ARHGEF16: variants seen among roughly 807,000 people sequenced by gnomAD.
The protein encoded by ARHGEF16 is Rho guanine exchange factor (GEF) 16.
Under a neutral mutation model 74.1 loss-of-function variants are expected in ARHGEF16, and 59 were observed. The observed-to-expected ratio is 0.80, with a 90% confidence interval of 0.65 to 0.99. ARHGEF16 has a LOEUF of 0.99. Among genes scored for constraint, ARHGEF16 ranks in the 50% least tolerant of loss-of-function variants. The pLI, the probability that ARHGEF16 is intolerant of heterozygous loss-of-function variation, is 0.00. For synonymous variants in ARHGEF16, 415 were observed against 412.6 expected (o/e 1.01, Z -0.07); for missense variants, 948 against 986.6 (o/e 0.96, Z 0.52).
chr1:3,459,526 G>T (rs1181190950), intron 1 of ARHGEF16, among the ~76,000 whole-genome samples: 1 of 152,178 alleles, frequency 6.6e-6, no homozygotes, highest in Non-Finnish European at 1.5e-5. Flanking sequence ...TGAGGGCCGG[G>T]AGCAGGTGAG....
intron 5 of ARHGEF16, among the ~76,000 whole-genome samples, 179 bp from the exon 6 acceptor site, chr1:3,469,254 A>T (rs887598310): frequency 6.6e-6 from 1 of 152,094 alleles, no homozygotes; most frequent in African/African-American, 2.4e-5. Flanking sequence ...GCATCCAGGG[A>T]CGTCGGGCTG....
Position 3,467,172 on chromosome 1 carries a change from C to T in ARHGEF16, c.639C>T (p.Pro213=). The change falls in exon 4 of 15, where the codon CCC becomes CCT. Residue 213 remains proline (P), a synonymous_variant. Coordinates refer to ENST00000378378, the MANE Select transcript of ARHGEF16 (RefSeq NM_014448.4). Reference sequence around the variant, plus strand: ...TTACCCTCCTTCTCTCTCTAGACCCCCAGCTCTACCAGGAGATCCAGGAGC... The same window carrying T: ...TTACCCTCCTTCTCTCTCTAGACCCTCAGCTCTACCAGGAGATCCAGGAGC... ...RGHKGSFKDD[P]QLYQEIQERG... 1 of 1,550,454 alleles carries T rather than the reference C, an allele frequency of 6.4e-7. No homozygotes were observed. Among genetic ancestry groups the T allele is most frequent in the Non-Finnish European group, 8.7e-7 (1 of 1,146,722 alleles).
chr1:3,462,966 T>C (rs1639437302), intron 1 of ARHGEF16, 100 bp from the exon 2 acceptor site: 1 of 826,012 alleles, frequency 1.2e-6, no homozygotes, highest in Non-Finnish European at 1.8e-6. Flanking sequence ...GGAGCTGTAC[T>C]GGAGCCCCGG....
Position 3,473,449 on chromosome 1 carries a change from G to A in ARHGEF16, c.1232G>A (p.Cys411Tyr). 1 of 1,612,578 alleles carries A rather than the reference G, an allele frequency of 6.2e-7. No homozygotes were observed. Among genetic ancestry groups the A allele is most frequent in the Non-Finnish European group, 8.5e-7 (1 of 1,179,972 alleles). ...AGAGAGATTGAGAGGCGGCCGGCGT[G>A]CGGGGGCCTGCCCATGCTCTCCTTC... ...ALREIERRPA[C>Y]GGLPMLSFLI... The change falls in exon 8 of 15, where the codon TGC becomes TAC. Residue 411 changes from cysteine to tyrosine, a missense_variant. Transcript: ENST00000378378.
intron 3 of ARHGEF16, among the ~76,000 whole-genome samples, chr1:3,466,773 AG>A (rs1639558870): frequency 6.6e-6 from 1 of 152,204 alleles, no homozygotes; most frequent in Admixed American, 6.5e-5. Context: ...TCCAGGCCTG[AG>A]GCTCCAAGAC....
intron 9 of ARHGEF16, 39 bp from the exon 10 acceptor site, chr1:3,475,931 T>C: frequency 1.3e-6 from 2 of 1,534,940 alleles, no homozygotes; most frequent in South Asian, 1.2e-5. Context: ...GCCAGGGCCC[T>C]GTAGCACCAG....
intron 1 of ARHGEF16, among the ~76,000 whole-genome samples, chr1:3,460,869 G>A (rs1484418712): frequency 2.6e-5 from 4 of 152,158 alleles, no homozygotes; most frequent in Non-Finnish European, 4.4e-5. Context: ...TCAGCCGCAC[G>A]TGCCTTCCTG....
intron 13 of ARHGEF16, 110 bp from the exon 14 acceptor site, chr1:3,479,702 C>A: frequency 6.4e-7 from 1 of 1,554,846 alleles, no homozygotes; most frequent in Non-Finnish European, 8.8e-7. Flanking sequence ...GCCTGGCAGT[C>A]GGGGGATGGG....
intron 11 of ARHGEF16, 191 bp downstream of exon 11, chr1:3,478,217 C>T (rs946785491): frequency 2.2e-6 from 2 of 920,608 alleles, no homozygotes; most frequent in African/African-American, 1.7e-5. Context: ...CTCTGACCTC[C>T]TCTGCAGACC....
At chr1:3,462,972 C>A (rs190865830) in intron 1 of ARHGEF16, 94 bp from the exon 2 acceptor site, 2 of 885,990 alleles carry the variant, frequency 2.3e-6, no homozygotes, top group Admixed American at 3.0e-5. Context: ...GTACTGGAGC[C>A]CCGGCCAGAC....
At position 3,478,226 on chromosome 1, in the gene ARHGEF16, C is replaced by G. The variant is rs546327981; in HGVS notation, c.1626-198C>G. ...TGCAGCCTCTGACCTCCTCTGCAGA[C>G]CTGGGTCTGCCGGTGATAGCCACGA... is the stretch of plus-strand genomic sequence containing the variant. On this transcript the variant is annotated intron_variant, in intron 11 of 14. Coordinates refer to ENST00000378378, the MANE Select transcript of ARHGEF16 (RefSeq NM_014448.4). 7.7e-6 allele frequency: 7 copies of G among 906,594 alleles called. No homozygotes were observed. The South Asian group carries it at 8.4e-5, about 11-fold the overall frequency. The allele number at this position is 906,594 out of a possible 1,614,324, so 56.2% of individuals were successfully genotyped here. A position where few individuals can be genotyped will look rare whatever the true frequency, so the allele number is the denominator to read the frequency against.
intron 1 of ARHGEF16, among the ~76,000 whole-genome samples, chr1:3,457,222 A>G (rs959629831): frequency 1.3e-5 from 2 of 152,256 alleles, no homozygotes; most frequent in African/African-American, 4.8e-5. Context: ...TTTGACGGGC[A>G]GAATTACCGG....
At chr1:3,464,734 C>T (rs1461114148) in intron 2 of ARHGEF16, among the ~76,000 whole-genome samples, 2 of 152,194 alleles carry the variant, frequency 1.3e-5, no homozygotes, top group East Asian at 1.9e-4. Flanking sequence ...TTGGCTTCCC[C>T]ATGTGGAAGC....
intron 8 of ARHGEF16, 150 bp from the exon 9 acceptor site, chr1:3,474,557 AG>A (rs1639829033): frequency 1.5e-6 from 1 of 678,282 alleles, no homozygotes; most frequent in Non-Finnish European, 2.6e-6. Flanking sequence ...GAGGCCGTTC[AG>A]GGGCTGTACG....
chr1:3,465,391 A>C (rs998826992), intron 2 of ARHGEF16, among the ~76,000 whole-genome samples: 1 of 150,336 alleles, frequency 6.7e-6, no homozygotes, highest in African/African-American at 2.5e-5. Context: ...AGACAGGAGG[A>C]GAGGACGGAG....
At chr1:3,471,036 G>A (rs567295850) in intron 6 of ARHGEF16, among the ~76,000 whole-genome samples, 4 of 147,790 alleles carry the variant, frequency 2.7e-5, no homozygotes, top group African/African-American at 5.0e-5. Context: ...GTGTGTGTGC[G>A]TGGGCAGGGA....
At chr1:3,469,291 G>T in intron 5 of ARHGEF16, 142 bp from the exon 6 acceptor site, 1 of 970,938 alleles carries the variant, frequency 1.0e-6, no homozygotes, top group Non-Finnish European at 1.5e-6. Context: ...CATTCTGACA[G>T]CCCCATCCAG....
chr1:3,459,199 G>A (rs963372263), intron 1 of ARHGEF16, among the ~76,000 whole-genome samples: 3 of 152,110 alleles, frequency 2.0e-5, no homozygotes, highest in East Asian at 1.9e-4. Context: ...GAACGAACAC[G>A]GACCCTACCG....
chr1:3,462,815 C>A (rs1423580716), intron 1 of ARHGEF16, among the ~76,000 whole-genome samples: 1 of 152,186 alleles, frequency 6.6e-6, no homozygotes, highest in Non-Finnish European at 1.5e-5. Flanking sequence ...CCTTGGAGCT[C>A]GGAGAACCAG....
Sources: gnomAD v4.1 joint callset for allele counts (sites outside exome capture counted in the v4.1 genomes callset) on GRCh38, gnomAD v4.1.1 for gene constraint, MANE v1.5 for transcripts, NCBI Gene and HGNC (gene_info 2026-07-23, HGNC 2026-07-21) for gene names.